The following ZNF398 variants were observed in gnomAD, a reference collection of about 807,000 sequenced individuals.
The protein encoded by ZNF398 is zinc finger protein 398, also known as zinc finger DNA binding protein ZER6.
In ZNF398, 18 loss-of-function variants were observed where a neutral mutation model predicts 41.9. That is an observed-to-expected ratio of 0.43 (90% confidence interval 0.30 to 0.64). ZNF398 has a LOEUF of 0.64. Among genes scored for constraint, ZNF398 ranks in the 30% least tolerant of loss-of-function variants. The probability of loss-of-function intolerance (pLI) is 0.14; values close to 1 mark genes in which losing one functional copy is unlikely to be tolerated. For missense variants in ZNF398, 669 were observed against 822.8 expected, an observed-to-expected ratio of 0.81 and a Z score of 2.29; for synonymous variants, 260 against 308.8, an observed-to-expected ratio of 0.84 and a Z score of 1.66.
At position 149,182,634 on chromosome 7, in the gene ZNF398, T is replaced by G. The variant is rs1795617261; in HGVS notation, c.*2833T>G. On this transcript the variant is annotated 3_prime_UTR_variant, in exon 6 of 6. Transcript: ENST00000475153. ...CTGTCAGCCTTTTGGACCAAGAAGC[T>G]GTCACTATCACACATAAGCACCATT... The G allele has an allele frequency of 6.6e-6, 1 of 152,270 alleles. No homozygotes were observed. Among genetic ancestry groups the G allele is most frequent in the African/African-American group, 2.4e-5 (1 of 41,472 alleles). 9.4% of individuals were successfully genotyped at this position (152,270 alleles called of 1,614,324 possible).
In ZNF398 at chr7:149,147,634, G is replaced by C; in HGVS notation, c.-109G>C. ...GTGCGGGGAAGGCAGGGCCGGGTCG[G>C]CGCCGCCTGTGGAGAGGACCCGGCG... On this transcript the variant is annotated 5_prime_UTR_variant, in exon 1 of 6. Coordinates refer to ENST00000475153, the MANE Select transcript of ZNF398 (RefSeq NM_170686.3). The surrounding 1 kb of genome is among the most constrained non-coding windows in gnomAD (Gnocchi z 5.6). The C allele has an allele frequency of 1.7e-6, 2 of 1,160,356 alleles. No individual in the cohort carries two copies. Among genetic ancestry groups the C allele is most frequent in the Non-Finnish European group, 1.1e-6 (1 of 929,922 alleles). The allele number at this position is 1,160,356 out of a possible 1,614,324, so 71.9% of individuals were successfully genotyped here. A position where few individuals can be genotyped will look rare whatever the true frequency, so the allele number is the denominator to read the frequency against.
At chr7:149,175,875 A>AG (rs1795451046) in intron 4 of ZNF398, among the ~76,000 whole-genome samples, 2 of 151,944 alleles carry the variant, frequency 1.3e-5, no homozygotes, top group Non-Finnish European at 2.9e-5. Context: ...TAGTAGAGAC[A>AG]GGGTTTTGCC....
At chr7:149,163,671 C>G (rs187285908) in intron 2 of ZNF398, among the ~76,000 whole-genome samples, 1 of 152,156 alleles carries the variant, frequency 6.6e-6, no homozygotes, top group Non-Finnish European at 1.5e-5. Flanking sequence ...GACAGGGTTT[C>G]GCCATGTTGG....
intron 2 of ZNF398, among the ~76,000 whole-genome samples, chr7:149,163,822 C>T (rs1481758018): frequency 6.6e-6 from 1 of 152,146 alleles, no homozygotes; most frequent in Non-Finnish European, 1.5e-5. Context: ...AATACCCTGA[C>T]CAGGCTGGGA....
chr7:149,136,622 C>T (rs963257671), intron 2 of ZNF398, among the ~76,000 whole-genome samples: 4 of 151,988 alleles, frequency 2.6e-5, no homozygotes, highest in Non-Finnish European at 5.9e-5. Context: ...GGTTGGAGTG[C>T]AGTGGCATGA....
At chr7:149,177,118 GT>G (rs60380021) in intron 5 of ZNF398, among the ~76,000 whole-genome samples, 1,331 of 129,068 alleles carry the variant, frequency 0.01, 8 homozygotes, top group African/African-American at 0.018. Flanking sequence ...AATGCATTCT[GT>G]TTTTTTTTTA....
chr7:149,166,995 C>T lies in ZNF398; in HGVS notation c.661+65C>T, dbSNP rs904822316. On this transcript the variant is annotated intron_variant, in intron 4 of 5. Coordinates refer to ENST00000475153, the MANE Select transcript of ZNF398 (RefSeq NM_170686.3). ...CCTGGTCAGACATGGTGGCTCAGAG[C>T]TAAGCAGGGCTTAGGGGCTTCTAGA... 14 of 1,162,468 alleles carry T rather than the reference C, an allele frequency of 1.2e-5. No individual in the cohort carries two copies. In the African/African-American group the frequency reaches 2.2e-4, roughly 18 times the overall value. The allele number at this position is 1,162,468 out of a possible 1,614,324, so 72.0% of individuals were successfully genotyped here.
At chr7:149,150,704 C>T (rs965608456) in intron 1 of ZNF398, among the ~76,000 whole-genome samples, 2 of 100,448 alleles carry the variant, frequency 2.0e-5, no homozygotes, top group South Asian at 2.3e-4. Flanking sequence ...CCGCCTCCCG[C>T]GCCCCCCCGC....
chr7:149,153,274 C>T (rs1046504436), intron 1 of ZNF398, among the ~76,000 whole-genome samples: 2 of 152,032 alleles, frequency 1.3e-5, no homozygotes, highest in Admixed American at 6.6e-5. Context: ...GTGAGCCAGC[C>T]TAGGCAACAT....
intron 2 of ZNF398, among the ~76,000 whole-genome samples, chr7:149,134,868 C>T (rs967922957): frequency 1.3e-5 from 2 of 151,972 alleles, no homozygotes; most frequent in East Asian, 3.9e-4. Context: ...GCAGCTGGGA[C>T]TACAGGCACA....
At chr7:149,130,435 C>T (rs974491251) in intron 2 of ZNF398, among the ~76,000 whole-genome samples, 1 of 152,176 alleles carries the variant, frequency 6.6e-6, no homozygotes, top group Admixed American at 6.6e-5. Flanking sequence ...CTGCTATAAA[C>T]ATTTGCATAC....
intron 2 of ZNF398, among the ~76,000 whole-genome samples, chr7:149,129,505 G>A (rs531259351): frequency 2.5e-4 from 37 of 150,466 alleles, no homozygotes; most frequent in African/African-American, 8.3e-4. Context: ...TCAGCCTCCC[G>A]AGTAGCTGGG....
At chr7:149,132,320 G>A (rs573582313) in intron 2 of ZNF398, among the ~76,000 whole-genome samples, 4 of 150,748 alleles carry the variant, frequency 2.7e-5, no homozygotes, top group South Asian at 2.1e-4. Context: ...TCAGCCTCCC[G>A]AGTAGCTGAG....
intron 1 of ZNF398, among the ~76,000 whole-genome samples, chr7:149,128,663 T>A (rs1182757703): frequency 6.8e-6 from 1 of 147,450 alleles, no homozygotes; most frequent in East Asian, 2.1e-4. Context: ...GAGGATTACT[T>A]GAGCCTGGGA....
intron 2 of ZNF398, among the ~76,000 whole-genome samples, chr7:149,133,678 T>TACACACAC (rs374864305): frequency 6.0e-5 from 4 of 67,014 alleles, no homozygotes; most frequent in Admixed American, 1.9e-4. Context: ...TATATATATA[T>TACACACAC]ACATATATAT....
At chr7:149,153,825 C>T (rs991146049) in intron 1 of ZNF398, 120 bp from the exon 2 acceptor site, 15 of 1,228,370 alleles carry the variant, frequency 1.2e-5, no homozygotes, top group Admixed American at 2.5e-5. Flanking sequence ...GCAGGCAGTA[C>T]TAGAACTATA....
rs114849074 is a variant in ZNF398, at chr7:149,172,529, G to A, written c.662-3939G>A. On this transcript the variant is annotated intron_variant, in intron 4 of 5. Transcript: ENST00000475153. ...GCAATTCAGATGTATCAGAGAAGCC[G>A]TCAAGTGCTTCCTTTATGTGAAAAG... 9.7e-3 allele frequency among the ~76,000 whole-genome samples: 1,476 copies of A among 152,108 alleles called. 26 individuals are homozygous for A. Among genetic ancestry groups the A allele is most frequent in the African/African-American group, 0.033 (1,378 of 41,498 alleles).
intron 2 of ZNF398, among the ~76,000 whole-genome samples, chr7:149,157,746 G>A (rs1047970633): frequency 3.9e-4 from 59 of 151,050 alleles, no homozygotes; most frequent in African/African-American, 1.4e-3. Context: ...GCTGAGACAG[G>A]AGAATTGCTT....
chr7:149,145,651 T>C (rs1390439060), upstream of ZNF398, among the ~76,000 whole-genome samples: 1 of 152,198 alleles, frequency 6.6e-6, no homozygotes, highest in East Asian at 1.9e-4. Flanking sequence ...GAATGTAGTT[T>C]CTTCATCTCC....
Sources: allele counts gnomAD v4.1 joint callset (sites outside exome capture counted in the v4.1 genomes callset), GRCh38; gene constraint gnomAD v4.1.1; non-coding constraint Gnocchi (gnomAD v3.1); transcripts MANE v1.5; gene names NCBI Gene and HGNC (gene_info 2026-07-23, HGNC 2026-07-21).